Variants in NEIL1 observed in about 807,000 individuals in gnomAD.
NEIL1 encodes the protein nei like DNA glycosylase 1.
Under a neutral mutation model 44.2 loss-of-function variants are expected in NEIL1, and 31 were observed. That is an observed-to-expected ratio of 0.70 (90% confidence interval 0.53 to 0.95). The LOEUF is 0.95. Among genes scored for constraint, NEIL1 ranks in the 40% least tolerant of loss-of-function variants. NEIL1 has a pLI of 0.00. For missense variants in NEIL1, 549 were observed against 515.5 expected, an observed-to-expected ratio of 1.07 and a Z score of -0.63; for synonymous variants, 254 against 209.7, an observed-to-expected ratio of 1.21 and a Z score of -1.83.
Position 75,349,236 on chromosome 15 carries a change from G to A in NEIL1, c.331G>A (p.Ala111Thr). ...FYTAPPGPRL[A>T]LCFVDIRRFG... ...CACGGCCCCGCCTGGCCCCCGGCTC[G>A]CCCTATGTTTCGTGGACATCCGCCG... is the stretch of plus-strand genomic sequence containing the variant. The change falls in exon 2 of 10, where the codon GCC (alanine) becomes ACC (threonine). Residue 111 changes from alanine (A) to threonine (T), a missense_variant. Transcript: ENST00000355059. The A allele has an allele frequency of 1.2e-6, 2 of 1,610,504 alleles. No homozygotes were observed. Among genetic ancestry groups the A allele is most frequent in the Non-Finnish European group, 1.7e-6 (2 of 1,179,872 alleles).
Position 75,354,717 on chromosome 15 carries a change from G to A in NEIL1, c.1001G>A (p.Arg334Lys), listed in dbSNP as rs755012734. ...TRRAKRDLPK[R>K]TATQRPEGTS... The stretch of plus-strand genomic sequence containing the variant: ...AGGGCAAAGAGAGACCTTCCTAAGA[G>A]GACTGCAACCCAGCGGCCTGAGGGG... Residue 334 changes from arginine (R) to lysine (K), a missense_variant, in exon 9 of 10, where the codon AGG (arginine) becomes AAG (lysine). Transcript: ENST00000355059. 5 of 1,614,154 alleles carry A rather than the reference G, an allele frequency of 3.1e-6. No individual in the cohort carries two copies. The highest frequency in any genetic ancestry group is 2.2e-5 in the East Asian group (1 of 44,878).
chr15:75,354,613 C>A (rs1356829344), intron 8 of NEIL1, 40 bp from the exon 9 acceptor site: 1 of 1,613,790 alleles, frequency 6.2e-7, no homozygotes, highest in Admixed American at 1.7e-5. Context: ...CTCTGAACTG[C>A]TTTCTGAGCC....
At chr15:75,354,917 GC>G (rs756466155) in intron 9 of NEIL1, 46 bp from the exon 10 acceptor site, 123 of 1,611,720 alleles carry the variant, frequency 7.6e-5, no homozygotes, top group Admixed American at 2.9e-4. Context: ...GGCTGCCATG[GC>G]AGCCCCTGGA....
chr15:75,348,584 G>A, intron 1 of NEIL1: 1 of 1,257,642 alleles, frequency 8.0e-7, no homozygotes, highest in South Asian at 2.1e-5. Flanking sequence ...TAAGGCTGCA[G>A]CCGCGGCCCC....
intron 3 of NEIL1, 42 bp downstream of exon 3, chr15:75,352,272 G>A (rs774123531): frequency 6.8e-6 from 11 of 1,614,056 alleles, no homozygotes; most frequent in African/African-American, 1.3e-5. Flanking sequence ...GGTGGGCCAG[G>A]TGTGCCCACA....
At position 75,352,152 on chromosome 15, in the gene NEIL1, G is replaced by T; in HGVS notation, c.476G>T (p.Arg159Leu). Residue 159 changes from arginine to leucine, a missense_variant, in exon 3 of 10, where the codon CGG (arginine) becomes CTG (leucine). By Grantham distance (102) the Arg-to-Leu change is moderately radical. Coordinates refer to ENST00000355059, the MANE Select transcript of NEIL1 (RefSeq NM_024608.4). ...LRNLADKAFD[R>L]PICEALLDQR... ...AACCTAGCGGATAAGGCCTTTGACC[G>T]GCCCATCTGCGAGGCCCTCCTGGAC... 6.2e-7 allele frequency: 1 copy of T among 1,614,124 alleles called. No individual in the cohort carries two copies. Among genetic ancestry groups the T allele is most frequent in the South Asian group, 1.1e-5 (1 of 91,078 alleles).
intron 2 of NEIL1, among the ~76,000 whole-genome samples, chr15:75,350,126 GC>G (rs2071767822): frequency 6.6e-6 from 1 of 152,236 alleles, no homozygotes; most frequent in African/African-American, 2.4e-5. Context: ...GGTCTCCTCT[GC>G]GCCACTTCCC....
rs368236073 is a variant in NEIL1 at position 75,356,705 on chromosome 15, T to C, written c.*1671T>C. 9.9e-6 allele frequency: 16 copies of C among 1,609,708 alleles called. No individual in the cohort carries two copies. In the African/African-American group the frequency reaches 1.6e-4, roughly 16 times the overall value. On this transcript the variant is annotated 3_prime_UTR_variant, in exon 10 of 10. Coordinates refer to ENST00000355059, the MANE Select transcript of NEIL1 (RefSeq NM_024608.4). The surrounding 1 kb of genome is among the most constrained non-coding windows in gnomAD (Gnocchi z 5.8). ...CGCAAGCTGGGGTGAGGAGGGCGCGTAGGGGCCACGCTGAAGCTGTTGGAG... is the reference window on the plus strand; with the variant it reads ...CGCAAGCTGGGGTGAGGAGGGCGCGCAGGGGCCACGCTGAAGCTGTTGGAG...
Position 75,355,517 on chromosome 15 carries a change from G to T in NEIL1, c.*483G>T. On this transcript the variant is annotated 3_prime_UTR_variant, in exon 10 of 10. Coordinates refer to ENST00000355059, the MANE Select transcript of NEIL1 (RefSeq NM_024608.4). ...GCCCCCTCATCCTGGCAGGAGCCAG[G>T]CAAAACCCACCCTTCGGCCCCTCCC... The T allele has an allele frequency of 4.1e-6, 1 of 245,072 alleles. No homozygotes were observed. Among genetic ancestry groups the T allele is most frequent in the Non-Finnish European group, 8.0e-6 (1 of 125,078 alleles). 15.2% of individuals were successfully genotyped at this position (245,072 alleles called of 1,614,324 possible).
chr15:75,355,892 C>T lies in NEIL1; in HGVS notation c.*858C>T. The T allele has an allele frequency of 6.2e-7, 1 of 1,614,040 alleles. No individual in the cohort carries two copies. The highest frequency in any genetic ancestry group is 1.1e-5 in the South Asian group (1 of 91,054). On this transcript the variant is annotated 3_prime_UTR_variant, in exon 10 of 10. Transcript: ENST00000355059. ...CCCAGAGCCTTCTACAAACAAAACC[C>T]CAGCCCCAGGGACTCAGTGTGGCGG...
At chr15:75,352,842 G>A (rs1472715407) in intron 5 of NEIL1, 141 bp downstream of exon 5, 4 of 692,176 alleles carry the variant, frequency 5.8e-6, no homozygotes, top group East Asian at 5.5e-5. Flanking sequence ...CTCCTCACTT[G>A]TCAATAGTGT....
Position 75,353,774 on chromosome 15 carries a change from G to A in NEIL1, c.754G>A (p.Asp252Asn), listed in dbSNP as rs5745926. ...KGYGSESGEE[D>N]FAAFRAWLRC... The stretch of plus-strand genomic sequence containing the variant: ...CTACGGGTCAGAGAGCGGGGAGGAG[G>A]ACTTTGCTGCCTTTCGAGCCTGGCT... Residue 252 changes from aspartate to asparagine, a missense_variant, in exon 6 of 10, where the codon GAC (aspartate) becomes AAC (asparagine). By Grantham distance (23) the Asp-to-Asn change is conservative. Transcript: ENST00000355059. 1,881 of 1,614,148 alleles carry A rather than the reference G, an allele frequency of 1.2e-3. 16 individuals are homozygous for A. In the African/African-American group the frequency reaches 0.021, roughly 18 times the overall value.
chr15:75,347,890 G>T, intron 1 of NEIL1: 1 of 1,216,088 alleles, frequency 8.2e-7, no homozygotes, highest in Non-Finnish European at 1.1e-6. Context: ...CAGGCCAGGG[G>T]CGGCTCCCAG....
chr15:75,352,412 C>T, intron 4 of NEIL1, 25 bp downstream of exon 4: 2 of 1,611,952 alleles, frequency 1.2e-6, no homozygotes, highest in Non-Finnish European at 1.7e-6. Flanking sequence ...GGATGGAGCA[C>T]ACGTGCTGGC....
In NEIL1 at chr15:75,355,173, A is replaced by G. The variant is rs777313923; in HGVS notation, c.*139A>G. ...TTCCCTGCACAACTCTCATGGTTTT[A>G]ATTGTACCCCATCTTCCACATCTTT... On this transcript the variant is annotated 3_prime_UTR_variant, in exon 10 of 10. Transcript: ENST00000355059. The G allele has an allele frequency of 3.0e-6, 2 of 661,324 alleles. No homozygotes were observed. The highest frequency in any genetic ancestry group is 2.6e-6 in the Non-Finnish European group (1 of 383,634). The allele number at this position is 661,324 out of a possible 1,614,324, so 41.0% of individuals were successfully genotyped here. A position where few individuals can be genotyped will look rare whatever the true frequency, so the allele number is the denominator to read the frequency against.
rs771695046 is a variant in NEIL1 at position 75,349,079 on chromosome 15, G to C, written c.174G>C (p.Leu58=). Residue 58 remains leucine, a synonymous_variant, in exon 2 of 10, where the codon CTG becomes CTC. Coordinates refer to ENST00000355059, the MANE Select transcript of NEIL1 (RefSeq NM_024608.4). ...SASARGKELR[L]ILSPLPGAQP... is the part of the protein sequence containing the mutation. ...CAGCCCGCGGCAAGGAGCTGCGCCT[G>C]ATACTGAGCCCTCTGCCTGGGGCCC... 1.2e-6 allele frequency: 2 copies of C among 1,613,002 alleles called. No individual in the cohort carries two copies. Among genetic ancestry groups the C allele is most frequent in the Non-Finnish European group, 1.7e-6 (2 of 1,179,968 alleles).
In NEIL1 at chr15:75,356,315, C is replaced by A; in HGVS notation, c.*1281C>A. 6.2e-7 allele frequency: 1 copy of A among 1,611,846 alleles called. No homozygotes were observed. Among genetic ancestry groups the A allele is most frequent in the Non-Finnish European group, 8.5e-7 (1 of 1,179,352 alleles). Reference sequence around the variant, plus strand: ...CCACCCCTTGCCTGCTTGACGGTCTCCAATACGACCGCGGGTGAAGACACG... The same window carrying A: ...CCACCCCTTGCCTGCTTGACGGTCTACAATACGACCGCGGGTGAAGACACG... On this transcript the variant is annotated 3_prime_UTR_variant, in exon 10 of 10. Transcript: ENST00000355059. This position sits in a 1 kb window ranked among gnomAD's most constrained non-coding sequence, Gnocchi z 5.8.
intron 2 of NEIL1, 143 bp downstream of exon 2, chr15:75,349,482 C>T (rs2071714413): frequency 6.3e-6 from 5 of 796,410 alleles, no homozygotes; most frequent in Non-Finnish European, 7.7e-6. Flanking sequence ...GTATACCTGT[C>T]CTGGGTCAGC....
chr15:75,356,206 G>A lies in NEIL1; in HGVS notation c.*1172G>A. 6.2e-7 allele frequency: 1 copy of A among 1,613,336 alleles called. No individual in the cohort carries two copies. The highest frequency in any genetic ancestry group is 1.7e-5 in the Admixed American group (1 of 59,990). On this transcript the variant is annotated 3_prime_UTR_variant, in exon 10 of 10. Coordinates refer to ENST00000355059, the MANE Select transcript of NEIL1 (RefSeq NM_024608.4). This position sits in a 1 kb window ranked among gnomAD's most constrained non-coding sequence, Gnocchi z 5.8. ...CCTCAGGACCAGCGAGCGGCGCTGGGGGCTGCTCTCCGCCTGCAGAGGAAC... is the reference window on the plus strand; with the variant it reads ...CCTCAGGACCAGCGAGCGGCGCTGGAGGCTGCTCTCCGCCTGCAGAGGAAC...
Sources: gnomAD v4.1 joint callset for allele counts (sites outside exome capture counted in the v4.1 genomes callset) on GRCh38, gnomAD v4.1.1 for gene constraint, Gnocchi (gnomAD v3.1) non-coding constraint, MANE v1.5 for transcripts, NCBI Gene and HGNC (gene_info 2026-07-23, HGNC 2026-07-21) for gene names.